The following ITFG1 variants were observed in gnomAD, a reference collection of about 807,000 sequenced individuals.
ITFG1 encodes the protein T-cell immunomodulatory protein.
ITFG1 carries 34 observed loss-of-function variants against 81.8 expected under a neutral mutation model. That is an observed-to-expected ratio of 0.42 (90% confidence interval 0.32 to 0.55). The LOEUF (loss-of-function observed/expected upper bound fraction) is 0.55. Among genes scored for constraint, ITFG1 ranks in the 20% least tolerant of loss-of-function variants. ITFG1 has a pLI of 0.17. For missense variants in ITFG1, 672 were observed against 755.4 expected, an observed-to-expected ratio of 0.89 and a Z score of 1.29; for synonymous variants, 285 against 270.6, an observed-to-expected ratio of 1.05 and a Z score of -0.52.
At chr16:47,318,178 T>C (rs1486158243) in intron 8 of ITFG1, among the ~76,000 whole-genome samples, 1 of 152,234 alleles carries the variant, frequency 6.6e-6, no homozygotes, top group Non-Finnish European at 1.5e-5. Context: ...CCATAGCAGT[T>C]TCTTGTCTAA....
At chr16:47,436,917 TAAA>T (rs1205069219) in intron 5 of ITFG1, among the ~76,000 whole-genome samples, 1 of 152,108 alleles carries the variant, frequency 6.6e-6, no homozygotes, top group Non-Finnish European at 1.5e-5. Context: ...TAAGCACCAC[TAAA>T]AAAATAACTA....
chr16:47,441,687 A>G (rs915768195), intron 5 of ITFG1, among the ~76,000 whole-genome samples: 2 of 152,170 alleles, frequency 1.3e-5, no homozygotes, highest in Non-Finnish European at 2.9e-5. Context: ...TCTCAAAATA[A>G]TAAGAGCTAT....
chr16:47,418,588 C>A (rs948948427), intron 6 of ITFG1, among the ~76,000 whole-genome samples: 1 of 152,022 alleles, frequency 6.6e-6, no homozygotes, highest in Non-Finnish European at 1.5e-5. Flanking sequence ...TAATTTCATT[C>A]TTTTTCATAC....
intron 6 of ITFG1, among the ~76,000 whole-genome samples, chr16:47,421,066 T>C (rs1360767025): frequency 6.6e-6 from 1 of 152,150 alleles, no homozygotes; most frequent in Non-Finnish European, 1.5e-5. Flanking sequence ...ATAAGAACTC[T>C]TGCTCATTTT....
At chr16:47,450,432 G>T in intron 5 of ITFG1, 1 of 420,804 alleles carries the variant, frequency 2.4e-6, no homozygotes, top group Non-Finnish European at 4.7e-6. Flanking sequence ...AGAAGAGATG[G>T]GGCGCGTTCA....
chr16:47,165,547 C>G (rs1567411470), intron 14 of ITFG1, among the ~76,000 whole-genome samples: 2 of 152,198 alleles, frequency 1.3e-5, no homozygotes, highest in Admixed American at 6.5e-5. Flanking sequence ...TTTATTCTTA[C>G]AGAGTTGAAT....
chr16:47,323,652 A>AAG (rs374887797), intron 8 of ITFG1, among the ~76,000 whole-genome samples: 2,278 of 125,182 alleles, frequency 0.018, 55 homozygotes, highest in African/African-American at 0.093. Context: ...TTGATAAAGC[A>AAG]GTCATGACCT....
chr16:47,354,938 G>C (rs926004876), intron 8 of ITFG1, among the ~76,000 whole-genome samples: 1 of 152,106 alleles, frequency 6.6e-6, no homozygotes, highest in Non-Finnish European at 1.5e-5. Context: ...CATATTGTTG[G>C]TGGGAATGTA....
At chr16:47,324,642 AT>A (rs1238386376) in intron 8 of ITFG1, among the ~76,000 whole-genome samples, 1 of 152,214 alleles carries the variant, frequency 6.6e-6, no homozygotes, top group Non-Finnish European at 1.5e-5. Context: ...ATGGAGGAAG[AT>A]CTACCAAGAA....
chr16:47,261,179 G>A (rs906691443), intron 10 of ITFG1, among the ~76,000 whole-genome samples: 1 of 152,178 alleles, frequency 6.6e-6, no homozygotes, highest in South Asian at 2.1e-4. Context: ...ATCATACGTT[G>A]CATAGCCATG....
At chr16:47,394,490 C>A (rs1968570373) in intron 6 of ITFG1, among the ~76,000 whole-genome samples, 1 of 152,014 alleles carries the variant, frequency 6.6e-6, no homozygotes, top group African/African-American at 2.4e-5. Context: ...TAGGTAAAGT[C>A]CACAAAAACA....
At chr16:47,347,842 G>C (rs1032731422) in intron 8 of ITFG1, among the ~76,000 whole-genome samples, 1 of 152,160 alleles carries the variant, frequency 6.6e-6, no homozygotes, top group Non-Finnish European at 1.5e-5. Flanking sequence ...CCTCTGAGAC[G>C]GAACTTCCAG....
chr16:47,249,071 A>C (rs1274083824), intron 12 of ITFG1, among the ~76,000 whole-genome samples: 2 of 152,314 alleles, frequency 1.3e-5, no homozygotes, highest in East Asian at 3.9e-4. Flanking sequence ...TAACTCTAGA[A>C]GTTTAAGAAT....
intron 4 of ITFG1, among the ~76,000 whole-genome samples, 163 bp from the exon 5 acceptor site, chr16:47,451,633 C>T (rs1406283505): frequency 1.3e-5 from 2 of 152,170 alleles, no homozygotes; most frequent in Non-Finnish European, 2.9e-5. Flanking sequence ...TGACATGTGT[C>T]ACTTTTAGGC....
chr16:47,439,985 A>T (rs1467491095), intron 5 of ITFG1, among the ~76,000 whole-genome samples: 5 of 152,224 alleles, frequency 3.3e-5, no homozygotes, highest in Middle Eastern at 3.2e-3. Context: ...AAAGGGATGG[A>T]GGAAGATCTA....
At chr16:47,212,121 C>T (rs1225748355) in intron 14 of ITFG1, among the ~76,000 whole-genome samples, 2 of 152,030 alleles carry the variant, frequency 1.3e-5, no homozygotes, top group African/African-American at 4.8e-5. Flanking sequence ...GGATTTTGTA[C>T]TGTCTTTGTC....
At chr16:47,430,570 G>GA (rs1969082739) in intron 5 of ITFG1, among the ~76,000 whole-genome samples, 1 of 152,038 alleles carries the variant, frequency 6.6e-6, no homozygotes, top group Non-Finnish European at 1.5e-5. Flanking sequence ...AAATGAATCA[G>GA]AAAATAAATG....
At chr16:47,262,107 T>C (rs1222759470) in intron 10 of ITFG1, among the ~76,000 whole-genome samples, 1 of 152,246 alleles carries the variant, frequency 6.6e-6, no homozygotes, top group African/African-American at 2.4e-5. Context: ...GAAACCAATG[T>C]ACCAAATATT....
At chr16:47,292,667 C>G (rs573228937) in intron 10 of ITFG1, among the ~76,000 whole-genome samples, 1 of 152,314 alleles carries the variant, frequency 6.6e-6, no homozygotes, top group African/African-American at 2.4e-5. Context: ...CCTCACCCTC[C>G]TTCCCTTCCA....
Sources: allele counts gnomAD v4.1 joint callset (sites outside exome capture counted in the v4.1 genomes callset), GRCh38; gene constraint gnomAD v4.1.1; transcripts MANE v1.5; gene names NCBI Gene and HGNC (gene_info 2026-07-23, HGNC 2026-07-21).